Variants in LRBA observed in about 807,000 individuals in gnomAD.
The protein encoded by LRBA is lipopolysaccharide-responsive and beige-like anchor protein.
Under a neutral mutation model 330.0 loss-of-function variants are expected in LRBA, and 176 were observed. That is an observed-to-expected ratio of 0.53 (90% CI 0.47 to 0.60). LRBA has a LOEUF of 0.60. Among genes scored for constraint, LRBA ranks in the 20% least tolerant of loss-of-function variants. The probability of loss-of-function intolerance (pLI) is 0.00; values close to 1 mark genes in which losing one functional copy is unlikely to be tolerated. For missense variants in LRBA, 3,259 were observed against 3,444.8 expected (o/e 0.95, Z 1.35); for synonymous variants, 1,230 against 1,193.0 (o/e 1.03, Z -0.64).
At chr4:150,837,479 C>T (rs1230874100) in intron 28 of LRBA, among the ~76,000 whole-genome samples, 1 of 152,102 alleles carries the variant, frequency 6.6e-6, no homozygotes, top group Non-Finnish European at 1.5e-5. Flanking sequence ...CTGGGTACTC[C>T]TGTATTGGGT....
intron 2 of LRBA, among the ~76,000 whole-genome samples, chr4:150,982,531 TC>T (rs1740959301): frequency 6.6e-6 from 1 of 151,474 alleles, no homozygotes; most frequent in Non-Finnish European, 1.5e-5. Context: ...GTCAGTAAAC[TC>T]CCTGTAATGC....
intron 37 of LRBA, among the ~76,000 whole-genome samples, chr4:150,640,476 G>C (rs1778570468): frequency 6.6e-6 from 1 of 152,082 alleles, no homozygotes; most frequent in Non-Finnish European, 1.5e-5. Flanking sequence ...TTATGGTATA[G>C]AGCACTGTTG....
Position 150,424,340 on chromosome 4 carries a change from G to A in LRBA, c.7042-8750C>T, listed in dbSNP as rs184501217. 1.9e-3 allele frequency among the ~76,000 whole-genome samples: 288 copies of A among 152,240 alleles called. 3 individuals are homozygous for A. The highest frequency in any genetic ancestry group is 4.1e-3 in the Admixed American group (63 of 15,288). On this transcript the variant is annotated intron_variant, in intron 46 of 56. Coordinates refer to ENST00000651943, the MANE Select transcript of LRBA (RefSeq NM_001364905.1). ...ACCACAGGCTAATTGATATAAATGA[G>A]TTAAGTTCCCACGGCATATTTTGGT... is the stretch of plus-strand genomic sequence containing the variant.
At chr4:150,484,838 A>G (rs1387432894) in intron 42 of LRBA, among the ~76,000 whole-genome samples, 1 of 151,868 alleles carries the variant, frequency 6.6e-6, no homozygotes, top group East Asian at 1.9e-4. Flanking sequence ...ACATTTCTAT[A>G]GGTTGTGCTG....
rs997692704 is a variant in LRBA, at chr4:150,964,365, G to A, written c.217-35300C>T. On this transcript the variant is annotated intron_variant, in intron 2 of 56. Transcript: ENST00000651943. The stretch of plus-strand genomic sequence containing the variant: ...GAGAACGGGCCATGATGACGATGGC[G>A]GTTTTGTCGAATAGAAAAGGGGGAA... 1.1e-4 allele frequency among the ~76,000 whole-genome samples: 16 copies of A among 149,512 alleles called. 1 individual carries two copies. Among genetic ancestry groups the A allele is most frequent in the African/African-American group, 2.1e-4 (8 of 38,860 alleles).
At chr4:150,458,165 A>C (rs1754320159) in intron 44 of LRBA, among the ~76,000 whole-genome samples, 1 of 151,916 alleles carries the variant, frequency 6.6e-6, no homozygotes, top group African/African-American at 2.4e-5. Context: ...ACAGAAAACC[A>C]AATCTGCTAT....
chr4:150,380,660 GTTTA>G (rs1197347622), intron 47 of LRBA, among the ~76,000 whole-genome samples: 4 of 151,994 alleles, frequency 2.6e-5, no homozygotes, highest in Non-Finnish European at 5.9e-5. Context: ...ATTTTCTCTT[GTTTA>G]TTTTTCTAAA....
At chr4:150,580,135 C>A in intron 40 of LRBA, 1 of 175,260 alleles carries the variant, frequency 5.7e-6, no homozygotes, top group Non-Finnish European at 1.2e-5. Context: ...CCGGGACGCA[C>A]GCGGCCTCCC....
At chr4:150,714,371 TTTA>T (rs1419378510) in intron 36 of LRBA, among the ~76,000 whole-genome samples, 3 of 152,172 alleles carry the variant, frequency 2.0e-5, no homozygotes, top group African/African-American at 4.8e-5. Flanking sequence ...AAGTAAATTT[TTTA>T]TTATCTAGTT....
At chr4:150,283,984 T>A (rs1218209129) in intron 54 of LRBA, among the ~76,000 whole-genome samples, 3 of 152,064 alleles carry the variant, frequency 2.0e-5, no homozygotes, top group African/African-American at 7.2e-5. Context: ...TTCACAAAAA[T>A]GGATAATCAA....
chr4:150,995,918 G>T (rs1333557609), intron 2 of LRBA, among the ~76,000 whole-genome samples: 1 of 152,044 alleles, frequency 6.6e-6, no homozygotes, highest in Non-Finnish European at 1.5e-5. Context: ...GGTTCAGAAG[G>T]AAATAAGAAA....
chr4:150,528,207 C>T (rs1016114278), intron 40 of LRBA, among the ~76,000 whole-genome samples: 3 of 151,878 alleles, frequency 2.0e-5, no homozygotes, highest in East Asian at 1.9e-4. Context: ...GGGAAAAATG[C>T]GTGTGAGAAA....
chr4:150,308,253 T>G (rs1468255780), intron 52 of LRBA, among the ~76,000 whole-genome samples: 1 of 152,196 alleles, frequency 6.6e-6, no homozygotes, highest in Non-Finnish European at 1.5e-5. Flanking sequence ...GGACCACATA[T>G]ATGATGGTGG....
intron 37 of LRBA, among the ~76,000 whole-genome samples, chr4:150,676,582 C>G (rs2126887212): frequency 6.6e-6 from 1 of 152,266 alleles, no homozygotes; most frequent in East Asian, 1.9e-4. Flanking sequence ...GCCCTGTCAA[C>G]AAACTTCAAG....
intron 55 of LRBA, among the ~76,000 whole-genome samples, chr4:150,279,448 GGGGAA>G (rs780102006): frequency 1.3e-4 from 20 of 152,174 alleles, no homozygotes; most frequent in Non-Finnish European, 2.1e-4. Context: ...CCTGGACACA[GGGGAA>G]TACAGATTGT....
chr4:150,639,163 CGGACACA>C (rs1265420514), intron 37 of LRBA, among the ~76,000 whole-genome samples: 1 of 143,906 alleles, frequency 6.9e-6, no homozygotes, highest in Admixed American at 7.2e-5. Context: ...TGAGATCACA[CGGACACA>C]GGAAGGGGAA....
chr4:150,647,882 C>T (rs903359422), intron 37 of LRBA, among the ~76,000 whole-genome samples: 19 of 151,852 alleles, frequency 1.3e-4, no homozygotes, highest in Non-Finnish European at 2.2e-4. Context: ...ATTATTAATA[C>T]GTCTTTCTCA....
chr4:150,648,128 G>A (rs1381249403), intron 37 of LRBA, among the ~76,000 whole-genome samples: 3 of 47,084 alleles, frequency 6.4e-5, no homozygotes, highest in African/African-American at 1.4e-4. Flanking sequence ...GAGGCAGTGA[G>A]GACATCAGAA....
intron 30 of LRBA, among the ~76,000 whole-genome samples, chr4:150,821,330 T>C (rs984929783): frequency 1.3e-5 from 2 of 152,126 alleles, no homozygotes; most frequent in African/African-American, 4.8e-5. Flanking sequence ...TTAATATTTG[T>C]GGGGCACCGT....
Sources: gnomAD v4.1 joint callset for allele counts (sites outside exome capture counted in the v4.1 genomes callset) on GRCh38, gnomAD v4.1.1 for gene constraint, MANE v1.5 for transcripts, NCBI Gene and HGNC (gene_info 2026-07-23, HGNC 2026-07-21) for gene names.